The following MEI4 variants were observed in gnomAD, a reference collection of about 807,000 sequenced individuals.
MEI4 encodes meiotic double-stranded break formation protein 4, also known as meiosis-specific protein MEI4.
In MEI4, 27 loss-of-function variants were observed where a neutral mutation model predicts 31.4. The ratio of observed to expected loss-of-function variants is 0.86; its 90% confidence interval spans 0.63 to 1.19. The LOEUF is 1.19. Ranked by LOEUF, MEI4 falls within the 50% of genes most tolerant of loss-of-function variation. The probability of loss-of-function intolerance (pLI) is 0.00; values close to 1 mark genes in which losing one functional copy is unlikely to be tolerated. For synonymous variants in MEI4, 122 were observed against 145.4 expected, an observed-to-expected ratio of 0.84 and a Z score of 1.16; for missense variants, 329 against 398.9, an observed-to-expected ratio of 0.82 and a Z score of 1.49.
chr6:77,842,545 T>A (rs567607562), intron 4 of MEI4, among the ~76,000 whole-genome samples: 1 of 152,220 alleles, frequency 6.6e-6, no homozygotes, highest in South Asian at 2.1e-4. Flanking sequence ...AGAGCATACA[T>A]GAATGATGTT....
intron 1 of MEI4, among the ~76,000 whole-genome samples, chr6:77,666,469 A>G (rs1768635164): frequency 6.6e-6 from 1 of 152,150 alleles, no homozygotes; most frequent in Non-Finnish European, 1.5e-5. Context: ...AAGCATTGCA[A>G]TGAATGTTTA....
chr6:77,673,810 C>T (rs1418532556), intron 1 of MEI4, among the ~76,000 whole-genome samples: 1 of 152,102 alleles, frequency 6.6e-6, no homozygotes, highest in Non-Finnish European at 1.5e-5. Context: ...CAAATTGTGT[C>T]CTTTAGTGTT....
rs568748274 is a variant in MEI4, at chr6:77,734,851, A to T, written c.233-26279A>T. On this transcript the variant is annotated intron_variant, in intron 2 of 4. Coordinates refer to ENST00000684080, the MANE Select transcript of MEI4 (RefSeq NM_001322247.2). ...CCTGGTTGTGACAAAATCTCTCAGCATTTGCTTGTCTGTAAAGGATTTTAT... is the reference window on the plus strand; with the variant it reads ...CCTGGTTGTGACAAAATCTCTCAGCTTTTGCTTGTCTGTAAAGGATTTTAT... Among the ~76,000 whole-genome samples, 3 of 151,744 alleles carry T rather than the reference A, an allele frequency of 2.0e-5. No individual in the cohort carries two copies. In the East Asian group the frequency reaches 5.8e-4, roughly 29 times the overall value.
chr6:77,746,642 TGTG>T (rs1767615098), intron 2 of MEI4, among the ~76,000 whole-genome samples: 1 of 18,750 alleles, frequency 5.3e-5, no homozygotes, highest in Admixed American at 6.9e-4. Flanking sequence ...ATATGGCGTG[TGTG>T]TGTGTGTGTG....
intron 1 of MEI4, among the ~76,000 whole-genome samples, chr6:77,657,758 A>T (rs898830443): frequency 6.6e-6 from 1 of 152,118 alleles, no homozygotes; most frequent in Non-Finnish European, 1.5e-5. Flanking sequence ...GAGCTCATGC[A>T]TTCTTCCATG....
At chr6:77,762,949 C>T (rs1448720595) in intron 3 of MEI4, among the ~76,000 whole-genome samples, 1 of 151,994 alleles carries the variant, frequency 6.6e-6, no homozygotes, top group Non-Finnish European at 1.5e-5. Context: ...TCTTTTTATA[C>T]TTTTGCTTTC....
At chr6:77,692,151 C>T (rs12203229) in intron 2 of MEI4, among the ~76,000 whole-genome samples, 56,670 of 151,660 alleles carry the variant, frequency 0.37, 11,871 homozygotes, top group East Asian at 0.5. Flanking sequence ...CCATGGTCCT[C>T]TCCTAGGTTC....
intron 4 of MEI4, among the ~76,000 whole-genome samples, chr6:77,869,236 G>C (rs759296412): frequency 1.3e-5 from 2 of 152,150 alleles, no homozygotes; most frequent in African/African-American, 2.4e-5. Flanking sequence ...TTACAGTAGG[G>C]AGAGGGAATG....
At chr6:77,800,696 C>G (rs541583656) in intron 3 of MEI4, among the ~76,000 whole-genome samples, 2 of 150,916 alleles carry the variant, frequency 1.3e-5, no homozygotes, top group South Asian at 4.2e-4. Context: ...GAATTTTTAG[C>G]ATGAAGTGCT....
chr6:77,851,634 G>T (rs1270642115), intron 4 of MEI4, among the ~76,000 whole-genome samples: 1 of 118,416 alleles, frequency 8.4e-6, no homozygotes. Flanking sequence ...GGCCTGTTTT[G>T]GGGTGGGGGG....
At chr6:77,689,377 G>A (rs1769116310) in intron 1 of MEI4, among the ~76,000 whole-genome samples, 1 of 151,880 alleles carries the variant, frequency 6.6e-6, no homozygotes, top group African/African-American at 2.4e-5. Context: ...TATCAATAAT[G>A]CTGTGATGAA....
intron 1 of MEI4, among the ~76,000 whole-genome samples, chr6:77,660,763 C>T (rs537192904): frequency 1.7e-4 from 26 of 152,174 alleles, no homozygotes; most frequent in African/African-American, 5.3e-4. Context: ...GCTGGCTGTC[C>T]GATGGACACA....
At chr6:77,891,596 A>T (rs1050508828) in intron 4 of MEI4, among the ~76,000 whole-genome samples, 2 of 151,152 alleles carry the variant, frequency 1.3e-5, no homozygotes, top group Admixed American at 1.3e-4. Context: ...ATTATTTTGA[A>T]TTTTTTTTCA....
intron 4 of MEI4, among the ~76,000 whole-genome samples, chr6:77,879,252 T>C (rs930489144): frequency 1.3e-5 from 2 of 152,180 alleles, no homozygotes; most frequent in African/African-American, 4.8e-5. Flanking sequence ...CTGTGAACAT[T>C]GTGAAAGTTT....
intron 4 of MEI4, among the ~76,000 whole-genome samples, chr6:77,910,627 G>A (rs1766411833): frequency 6.6e-6 from 1 of 152,092 alleles, no homozygotes; most frequent in Non-Finnish European, 1.5e-5. Flanking sequence ...TGGCCATACA[G>A]CCCAAAGTAA....
At chr6:77,711,486 G>A (rs6909015) in intron 2 of MEI4, among the ~76,000 whole-genome samples, 20,935 of 152,064 alleles carry the variant, frequency 0.14, 1,529 homozygotes, top group Middle Eastern at 0.21. Context: ...TTCTGACATG[G>A]ACCTTTTTGG....
At chr6:77,745,749 A>G (rs1053821750) in intron 2 of MEI4, among the ~76,000 whole-genome samples, 1 of 152,182 alleles carries the variant, frequency 6.6e-6, no homozygotes, top group Non-Finnish European at 1.5e-5. Context: ...ATGTAAAAGA[A>G]CAGAAATTAT....
At chr6:77,729,223 A>G (rs1288741073) in intron 2 of MEI4, among the ~76,000 whole-genome samples, 1 of 152,226 alleles carries the variant, frequency 6.6e-6, no homozygotes, top group Admixed American at 6.5e-5. Flanking sequence ...TAGTGTAAAC[A>G]TACATTAACC....
chr6:77,750,258 T>C (rs1346480426), intron 2 of MEI4, among the ~76,000 whole-genome samples: 1 of 152,152 alleles, frequency 6.6e-6, no homozygotes, highest in Non-Finnish European at 1.5e-5. Context: ...AGGATCAAAT[T>C]CACACATAAC....
Sources: allele counts gnomAD v4.1 joint callset (sites outside exome capture counted in the v4.1 genomes callset), GRCh38; gene constraint gnomAD v4.1.1; transcripts MANE v1.5; gene names NCBI Gene and HGNC (gene_info 2026-07-23, HGNC 2026-07-21).